LRFN1: variants seen among roughly 807,000 people sequenced by gnomAD.
LRFN1 encodes leucine-rich repeat and fibronectin type III domain-containing protein 1.
A neutral mutation model predicts 31.8 loss-of-function variants in LRFN1; 20 were observed. The observed-to-expected ratio is 0.63, with a 90% confidence interval of 0.44 to 0.91. LRFN1 has a LOEUF of 0.91. Ranked by LOEUF, LRFN1 falls within the 40% of genes least tolerant of loss-of-function variation. LRFN1 has a pLI of 0.00. For synonymous variants in LRFN1, 514 were observed against 541.3 expected (o/e 0.95, Z 0.70); for missense variants, 912 against 1,129.8 (o/e 0.81, Z 2.76).
At chr19:39,309,880 TG>T (rs1238319831) in intron 4 of LRFN1, among the ~76,000 whole-genome samples, 3 of 152,282 alleles carry the variant, frequency 2.0e-5, no homozygotes. Flanking sequence ...TGACAAAGGC[TG>T]GGGGCCAGAT....
At position 39,307,516 on chromosome 19, in the gene LRFN1, G is replaced by A; in HGVS notation, c.*117C>T. ...CCCGCCCCCTCCCGGGGACAAGGGC[G>A]CGTCTCCACTCTGGTCCAATGTCTT... On this transcript the variant is annotated 3_prime_UTR_variant, in exon 5 of 5. Coordinates refer to ENST00000248668, the MANE Select transcript of LRFN1 (RefSeq NM_020862.2). The surrounding 1 kb of genome is among the most constrained non-coding windows in gnomAD (Gnocchi z 6.7). 8.8e-7 allele frequency: 1 copy of A among 1,135,062 alleles called. No homozygotes were observed. The highest frequency in any genetic ancestry group is 1.1e-6 in the Non-Finnish European group (1 of 879,672). The allele number at this position is 1,135,062 out of a possible 1,614,324, so 70.3% of individuals were successfully genotyped here. A position where few individuals can be genotyped will look rare whatever the true frequency, so the allele number is the denominator to read the frequency against.
Position 39,307,959 on chromosome 19 carries a change from G to A in LRFN1, c.1990C>T (p.Arg664Trp), listed in dbSNP as rs77061833. Residue 664 changes from arginine to tryptophan, a missense_variant, in exon 5 of 5, where the codon CGG becomes TGG. By Grantham distance (101) the Arg-to-Trp change is moderately radical. This residue lies in a region of LRFN1 where 511 missense variants were observed against 557.0 expected (regional missense o/e 0.92). Coordinates refer to ENST00000248668, the MANE Select transcript of LRFN1 (RefSeq NM_020862.2). The surrounding 1 kb of genome is among the most constrained non-coding windows in gnomAD (Gnocchi z 6.7). The part of the protein sequence containing the change: ...PSEETSGEES[R>W]AAVGPRRSRS... ...CTCCTTCGAGGGCCCACCGCGGCCC[G>A]AGACTCCTCCCCGGAAGTTTCCTCG... is the stretch of plus-strand genomic sequence containing the variant. 134 of 1,574,036 alleles carry A rather than the reference G, an allele frequency of 8.5e-5. 1 individual carries two copies. The South Asian group carries it at 1.2e-3, about 14-fold the overall frequency.
rs755765228 is a variant in LRFN1, at chr19:39,314,287, C to T, written c.1050G>A (p.Arg350=). Residue 350 remains arginine (R), a synonymous_variant, in exon 4 of 5, where the codon CGG becomes CGA. Transcript: ENST00000248668. ...LLGNSSRTRV[R]GDGTLDVTIT... ...TGGTCACATCCAGCGTCCCGTCCCC[C>T]CGGACCCGGGTCCGGCTGGAGTTCC... 1 of 1,611,626 alleles carries T rather than the reference C, an allele frequency of 6.2e-7. No individual in the cohort carries two copies. The highest frequency in any genetic ancestry group is 8.5e-7 in the Non-Finnish European group (1 of 1,179,096).
At position 39,307,954 on chromosome 19, in the gene LRFN1, G is replaced by A. The variant is rs1474517782; in HGVS notation, c.1995C>T (p.Ala665=). Residue 665 remains alanine, a synonymous_variant, in exon 5 of 5, where the codon GCC becomes GCT. Transcript: ENST00000248668. The surrounding 1 kb of genome is among the most constrained non-coding windows in gnomAD (Gnocchi z 6.7). ...SEETSGEESR[A]AVGPRRSRSG... is the part of the protein sequence containing the mutation. ...ATCGGCTCCTTCGAGGGCCCACCGCGGCCCGAGACTCCTCCCCGGAAGTTT... is the reference window on the plus strand; with the variant it reads ...ATCGGCTCCTTCGAGGGCCCACCGCAGCCCGAGACTCCTCCCCGGAAGTTT... 2 of 1,567,830 alleles carry A rather than the reference G, an allele frequency of 1.3e-6. No homozygotes were observed. Among genetic ancestry groups the A allele is most frequent in the Non-Finnish European group, 8.6e-7 (1 of 1,165,586 alleles).
At chr19:39,317,169 A>G (rs1003293544) in intron 2 of LRFN1, among the ~76,000 whole-genome samples, 2 of 152,186 alleles carry the variant, frequency 1.3e-5, no homozygotes, top group African/African-American at 4.8e-5. Flanking sequence ...AATGAGACAC[A>G]GAAAAGAGAG....
rs911983297 is a variant in LRFN1, at chr19:39,315,836, A to T, written c.-38+246T>A. Among the ~76,000 whole-genome samples, 3 of 152,100 alleles carry T rather than the reference A, an allele frequency of 2.0e-5. No individual in the cohort carries two copies. Among genetic ancestry groups the T allele is most frequent in the Non-Finnish European group, 4.4e-5 (3 of 68,024 alleles). ...TCCATCTTAAAACATAAATAAAAATAAAAATATCTCTATACTGGTTGATAG... is the reference window on the plus strand; with the variant it reads ...TCCATCTTAAAACATAAATAAAAATTAAAATATCTCTATACTGGTTGATAG... On this transcript the variant is annotated intron_variant, in intron 3 of 4. Coordinates refer to ENST00000248668, the MANE Select transcript of LRFN1 (RefSeq NM_020862.2). The surrounding 1 kb of genome is among the most constrained non-coding windows in gnomAD (Gnocchi z 4.7).
Position 39,315,379 on chromosome 19 carries a change from G to A in LRFN1, c.-37-6C>T, listed in dbSNP as rs899389409. 144 of 1,417,656 alleles carry A rather than the reference G, an allele frequency of 1.0e-4. 1 individual carries two copies. The East Asian group carries it at 3.6e-3, about 35-fold the overall frequency. The allele number at this position is 1,417,656 out of a possible 1,614,324, so 87.8% of individuals were successfully genotyped here. The stretch of plus-strand genomic sequence containing the variant: ...GGAGGGGTGGGAGGTGAGACCTGCC[G>A]GGGAAGGAGCCGGTTACCCAGGCGT... On this transcript the variant is annotated splice_region_variant and splice_polypyrimidine_tract_variant and intron_variant, in intron 3 of 4. Coordinates refer to ENST00000248668, the MANE Select transcript of LRFN1 (RefSeq NM_020862.2). This position sits in a 1 kb window ranked among gnomAD's most constrained non-coding sequence, Gnocchi z 4.7.
rs935329439 is a variant in LRFN1, at chr19:39,309,485, A to C, written c.1407-943T>G. 1.1e-3 allele frequency among the ~76,000 whole-genome samples: 147 copies of C among 135,090 alleles called. 3 individuals carry two copies. Among genetic ancestry groups the C allele is most frequent in the African/African-American group, 3.7e-3 (140 of 37,344 alleles). The allele number at this position is 135,090 out of a possible 152,430, so 88.6% of individuals were successfully genotyped here. A position where few individuals can be genotyped will look rare whatever the true frequency, so the allele number is the denominator to read the frequency against. ...CTCAAAAAACAAACAAACCAAAAAA[A>C]AAAAAAAAAAAAAAAAAAAAAACCA... On this transcript the variant is annotated intron_variant, in intron 4 of 4. Transcript: ENST00000248668.
rs779239580 is a variant in LRFN1 at position 39,308,345 on chromosome 19, G to C, written c.1604C>G (p.Thr535Ser). 1.9e-6 allele frequency: 3 copies of C among 1,612,942 alleles called. No homozygotes were observed. The highest frequency in any genetic ancestry group is 2.5e-6 in the Non-Finnish European group (3 of 1,179,576). ...RPLRAHFLGG[T>S]MIIAIGGVIV... ...GACGCCCCCGATGGCGATGATCATG[G>C]TGCCGCCCAAGAAATGGGCCCTCAG... Residue 535 changes from threonine to serine, a missense_variant, in exon 5 of 5, where the codon ACC becomes AGC. Coordinates refer to ENST00000248668, the MANE Select transcript of LRFN1 (RefSeq NM_020862.2). This position sits in a 1 kb window ranked among gnomAD's most constrained non-coding sequence, Gnocchi z 6.2.
chr19:39,309,574 C>T (rs905433852), intron 4 of LRFN1, among the ~76,000 whole-genome samples: 5 of 148,022 alleles, frequency 3.4e-5, no homozygotes, highest in African/African-American at 1.3e-4. Flanking sequence ...CCTGACATTG[C>T]TACAGGCCAT....
chr19:39,310,586 C>T (rs906432109), intron 4 of LRFN1, among the ~76,000 whole-genome samples: 4 of 152,270 alleles, frequency 2.6e-5, no homozygotes, highest in Non-Finnish European at 4.4e-5. Context: ...CTGGACTGCC[C>T]GTTCCACATT....
In LRFN1 at chr19:39,307,490, C is replaced by T; in HGVS notation, c.*143G>A. 2 of 987,572 alleles carry T rather than the reference C, an allele frequency of 2.0e-6. No individual in the cohort carries two copies. The highest frequency in any genetic ancestry group is 2.7e-6 in the Non-Finnish European group (2 of 748,046). The allele number at this position is 987,572 out of a possible 1,614,324, so 61.2% of individuals were successfully genotyped here. The stretch of plus-strand genomic sequence containing the variant: ...GGCCTCGAGCCGCAGCCCGAGGCTG[C>T]CCCGCCCCCTCCCGGGGACAAGGGC... On this transcript the variant is annotated 3_prime_UTR_variant, in exon 5 of 5. Transcript: ENST00000248668. The surrounding 1 kb of genome is among the most constrained non-coding windows in gnomAD (Gnocchi z 6.7).
At position 39,314,061 on chromosome 19, in the gene LRFN1, G is replaced by A. The variant is rs767921056; in HGVS notation, c.1276C>T (p.Arg426Cys). 3.7e-6 allele frequency: 6 copies of A among 1,612,142 alleles called. No homozygotes were observed. Among genetic ancestry groups the A allele is most frequent in the Non-Finnish European group, 5.1e-6 (6 of 1,179,724 alleles). Residue 426 changes from arginine (R) to cysteine (C), a missense_variant, in exon 4 of 5, where the codon CGT becomes TGT. By Grantham distance (180) the Arg-to-Cys change is radical. Transcript: ENST00000248668. ...GTGAGCTCGGCTGCCACGAGCCGAC[G>A]CTCAGCCGCAGAATCGTTGGCACCT... ...RPGANDSAAERRLVAAELTSN... is the reference protein window; with the variant it reads ...RPGANDSAAECRLVAAELTSN...
Position 39,308,832 on chromosome 19 carries a change from C to A in LRFN1, c.1407-290G>T, listed in dbSNP as rs2075140519. Among the ~76,000 whole-genome samples the A allele has an allele frequency of 6.6e-6, 1 of 152,334 alleles. No individual in the cohort carries two copies. Among genetic ancestry groups the A allele is most frequent in the South Asian group, 2.1e-4 (1 of 4,832 alleles). ...CCTCCTCTGCATATCCCGGCCCCTG[C>A]AGGGGAGAAGTGCTATGGCTTTTAA... is the stretch of plus-strand genomic sequence containing the variant. On this transcript the variant is annotated intron_variant, in intron 4 of 4. Transcript: ENST00000248668. This position sits in a 1 kb window ranked among gnomAD's most constrained non-coding sequence, Gnocchi z 6.2.
intron 4 of LRFN1, 149 bp downstream of exon 4, chr19:39,313,782 G>A (rs2075159192): frequency 5.7e-6 from 4 of 704,232 alleles, no homozygotes; most frequent in Non-Finnish European, 9.3e-6. Context: ...GAGAAATAGA[G>A]AGAGGAGACA....
chr19:39,319,078 C>T (rs1351900402), intron 1 of LRFN1, among the ~76,000 whole-genome samples: 1 of 152,182 alleles, frequency 6.6e-6, no homozygotes, highest in Non-Finnish European at 1.5e-5. Context: ...CCCCAGAGAC[C>T]AACACCAAAA....
At chr19:39,318,121 C>G (rs1484529182) in intron 2 of LRFN1, among the ~76,000 whole-genome samples, 3 of 152,216 alleles carry the variant, frequency 2.0e-5, no homozygotes, top group Non-Finnish European at 4.4e-5. Context: ...CTGGCCACCA[C>G]AAGCCCTCAC....
intron 4 of LRFN1, among the ~76,000 whole-genome samples, chr19:39,311,683 G>A (rs2075150797): frequency 6.6e-6 from 1 of 152,168 alleles, no homozygotes; most frequent in Non-Finnish European, 1.5e-5. Context: ...AAGCTTGGAA[G>A]TTCGTTGTGA....
chr19:39,314,833 A>T lies in LRFN1; in HGVS notation c.504T>A (p.Asp168Glu). 1 of 1,612,586 alleles carries T rather than the reference A, an allele frequency of 6.2e-7. No individual in the cohort carries two copies. Residue 168 changes from aspartate (D) to glutamate (E), a missense_variant, in exon 4 of 5, where the codon GAT (aspartate) becomes GAA (glutamate). Around this residue, in one of 2 missense-constraint regions of LRFN1, gnomAD observed 401 missense variants for 572.7 expected, o/e 0.70. Coordinates refer to ENST00000248668, the MANE Select transcript of LRFN1 (RefSeq NM_020862.2). The stretch of plus-strand genomic sequence containing the variant: ...GGGCCTCCAGGTTGTTGTAGGACAG[A>T]TCCAGGTCCTCCACGGTGGACAGGA... The part of the protein sequence containing the change: ...DAFLSTVEDL[D>E]LSYNNLEALP...
Sources: allele counts gnomAD v4.1 joint callset (sites outside exome capture counted in the v4.1 genomes callset), GRCh38; gene constraint gnomAD v4.1.1; regional missense constraint gnomAD v4.1.1; non-coding constraint Gnocchi (gnomAD v3.1); transcripts MANE v1.5; gene names NCBI Gene and HGNC (gene_info 2026-07-23, HGNC 2026-07-21).